The following GALNTL6 variants were observed in gnomAD, a reference collection of about 807,000 sequenced individuals.
GALNTL6 encodes the protein polypeptide N-acetylgalactosaminyltransferase-like 6.
In GALNTL6, 46 loss-of-function variants were observed where a neutral mutation model predicts 73.7. The observed-to-expected ratio is 0.62, with a 90% CI of 0.49 to 0.80. GALNTL6 has a LOEUF of 0.80. Among genes scored for constraint, GALNTL6 ranks in the 30% least tolerant of loss-of-function variants. The pLI is 0.00. For synonymous variants in GALNTL6, 259 were observed against 263.7 expected (o/e 0.98, Z 0.17); for missense variants, 604 against 755.0 (o/e 0.80, Z 2.34).
At chr4:171,824,219 A>G (rs1309011943) in intron 2 of GALNTL6, among the ~76,000 whole-genome samples, 2 of 151,556 alleles carry the variant, frequency 1.3e-5, no homozygotes, top group African/African-American at 2.4e-5. Flanking sequence ...TATGAAGTTC[A>G]CCATATATTA....
At chr4:171,952,606 A>G (rs1259485423) in intron 2 of GALNTL6, among the ~76,000 whole-genome samples, 2 of 152,060 alleles carry the variant, frequency 1.3e-5, no homozygotes, top group African/African-American at 2.4e-5. Context: ...GCAAAATTAC[A>G]TGATCATTTC....
At chr4:171,814,749 G>A (rs748009981) in intron 2 of GALNTL6, 31 bp downstream of exon 2, 14 of 1,609,702 alleles carry the variant, frequency 8.7e-6, no homozygotes, top group South Asian at 5.5e-5. Context: ...GATCACACAA[G>A]GATTGGTAAG....
intron 5 of GALNTL6, among the ~76,000 whole-genome samples, chr4:172,765,322 A>G (rs1257545521): frequency 6.6e-6 from 1 of 152,196 alleles, no homozygotes; most frequent in Non-Finnish European, 1.5e-5. Flanking sequence ...TATAAAAGTG[A>G]TATATTAGAA....
chr4:172,875,539 G>C (rs563737152), intron 7 of GALNTL6, among the ~76,000 whole-genome samples: 21 of 152,118 alleles, frequency 1.4e-4, no homozygotes, highest in Non-Finnish European at 2.5e-4. Flanking sequence ...CTTCAAAGGA[G>C]ACAAGATGTG....
intron 5 of GALNTL6, among the ~76,000 whole-genome samples, chr4:172,625,014 G>A (rs937094346): frequency 2.6e-5 from 4 of 151,732 alleles, no homozygotes; most frequent in East Asian, 3.9e-4. Flanking sequence ...TTTTGGTTTC[G>A]TTGATTCTTT....
intron 2 of GALNTL6, among the ~76,000 whole-genome samples, chr4:171,991,338 G>T (rs893519957): frequency 6.6e-6 from 1 of 152,012 alleles, no homozygotes; most frequent in African/African-American, 2.4e-5. Flanking sequence ...ATTATTTTCT[G>T]AAATATTTCC....
chr4:172,123,601 T>C (rs1733212683), intron 2 of GALNTL6, among the ~76,000 whole-genome samples: 1 of 147,856 alleles, frequency 6.8e-6, no homozygotes, highest in Non-Finnish European at 1.5e-5. Flanking sequence ...TCCAGGGTTC[T>C]AGTGATTCTC....
intron 5 of GALNTL6, among the ~76,000 whole-genome samples, chr4:172,461,029 A>G (rs1732591620): frequency 6.6e-6 from 1 of 152,252 alleles, no homozygotes; most frequent in Non-Finnish European, 1.5e-5. Flanking sequence ...ATGGAATACT[A>G]TGCAGCCATA....
intron 5 of GALNTL6, among the ~76,000 whole-genome samples, chr4:172,598,141 GA>G (rs1737931526): frequency 6.6e-6 from 1 of 151,972 alleles, no homozygotes; most frequent in Non-Finnish European, 1.5e-5. Context: ...TATATAATTT[GA>G]TCAACAACAA....
intron 5 of GALNTL6, among the ~76,000 whole-genome samples, chr4:172,633,911 G>A (rs562546111): frequency 1.3e-4 from 20 of 152,222 alleles, no homozygotes; most frequent in African/African-American, 4.3e-4. Context: ...TGCCATATAA[G>A]ATGTAACTTT....
At chr4:172,996,920 C>G (rs1236348341) in intron 10 of GALNTL6, among the ~76,000 whole-genome samples, 1 of 152,138 alleles carries the variant, frequency 6.6e-6, no homozygotes. Context: ...CCTATTGCTA[C>G]TCCATGGTGC....
chr4:172,501,512 G>T (rs762524186), intron 5 of GALNTL6, among the ~76,000 whole-genome samples: 4 of 152,036 alleles, frequency 2.6e-5, no homozygotes, highest in African/African-American at 9.7e-5. Context: ...AAGCAGTTCA[G>T]AGAAAGAAAA....
intron 5 of GALNTL6, among the ~76,000 whole-genome samples, chr4:172,589,213 A>G (rs1737543192): frequency 6.6e-6 from 1 of 152,178 alleles, no homozygotes; most frequent in Non-Finnish European, 1.5e-5. Context: ...AGAAAATGAC[A>G]CATTTCTTAA....
At chr4:172,850,824 C>T (rs527746756) in intron 7 of GALNTL6, among the ~76,000 whole-genome samples, 46 of 152,202 alleles carry the variant, frequency 3.0e-4, no homozygotes, top group African/African-American at 1.1e-3. Flanking sequence ...TATGTTTACC[C>T]ATTTATCATA....
intron 5 of GALNTL6, among the ~76,000 whole-genome samples, chr4:172,735,740 T>C (rs1736421289): frequency 6.6e-6 from 1 of 152,134 alleles, no homozygotes; most frequent in Non-Finnish European, 1.5e-5. Context: ...TGGAAGGTAA[T>C]TGAATCATGG....
intron 2 of GALNTL6, among the ~76,000 whole-genome samples, chr4:172,032,739 A>C (rs1741807057): frequency 6.6e-6 from 1 of 152,028 alleles, no homozygotes; most frequent in African/African-American, 2.4e-5. Flanking sequence ...TTGCATTAGA[A>C]TGTTTTTTTC....
chr4:172,140,977 G>C (rs1181081465), intron 2 of GALNTL6, among the ~76,000 whole-genome samples: 1 of 152,002 alleles, frequency 6.6e-6, no homozygotes, highest in Admixed American at 6.5e-5. Flanking sequence ...AAAGGATAAA[G>C]GTGTAGCAAG....
rs113013734 is a variant in GALNTL6, at chr4:171,958,439, T to C, written c.138+143721T>C. ...GAAAATGTTTACAAATGGGAAAATTTTTGTTTTTTTAACATGTATCAATAA... is the reference window on the plus strand; with the variant it reads ...GAAAATGTTTACAAATGGGAAAATTCTTGTTTTTTTAACATGTATCAATAA... On this transcript the variant is annotated intron_variant, in intron 2 of 12. Transcript: ENST00000506823. Among the ~76,000 whole-genome samples, 401 of 152,240 alleles carry C rather than the reference T, an allele frequency of 2.6e-3. 2 individuals carry two copies. Among genetic ancestry groups the C allele is most frequent in the Admixed American group, 0.012 (191 of 15,296 alleles).
chr4:172,439,299 A>G (rs956274606), intron 5 of GALNTL6, among the ~76,000 whole-genome samples: 20 of 151,812 alleles, frequency 1.3e-4, no homozygotes, highest in African/African-American at 4.8e-4. Context: ...CAAGATCACC[A>G]GTGACCCCCC....
Sources: gnomAD v4.1 joint callset for allele counts (sites outside exome capture counted in the v4.1 genomes callset) on GRCh38, gnomAD v4.1.1 for gene constraint, MANE v1.5 for transcripts, NCBI Gene and HGNC (gene_info 2026-07-23, HGNC 2026-07-21) for gene names.